WWOX: variants seen among roughly 807,000 people sequenced by gnomAD.
WWOX encodes WW domain-containing oxidoreductase.
A neutral mutation model predicts 46.2 loss-of-function variants in WWOX; 69 were observed. The ratio of observed to expected loss-of-function variants is 1.49; its 90% CI spans 1.23 to 1.82. The LOEUF (loss-of-function observed/expected upper bound fraction) is 1.82, where lower values mean the gene tolerates loss of function less well. Ranked by LOEUF, WWOX falls within the 40% of genes most tolerant of loss-of-function variation. WWOX has a pLI of 0.00. For synonymous variants in WWOX, 359 were observed against 202.6 expected, an observed-to-expected ratio of 1.77 and a Z score of -6.56; for missense variants, 919 against 542.6, an observed-to-expected ratio of 1.69 and a Z score of -6.89.
intron 8 of WWOX, among the ~76,000 whole-genome samples, chr16:78,514,343 G>A (rs2085437232): frequency 6.6e-6 from 1 of 152,172 alleles, no homozygotes; most frequent in African/African-American, 2.4e-5. Context: ...ATGTACAACT[G>A]CTTGAAAACA....
intron 8 of WWOX, among the ~76,000 whole-genome samples, chr16:78,748,110 G>GTCTCTCCCA (rs2049392677): frequency 6.6e-6 from 1 of 151,958 alleles, no homozygotes; most frequent in Non-Finnish European, 1.5e-5. Flanking sequence ...CTCCCAGACC[G>GTCTCTCCCA]GACCCTCCAC....
At chr16:78,840,666 T>G (rs1215088427) in intron 8 of WWOX, among the ~76,000 whole-genome samples, 1 of 152,082 alleles carries the variant, frequency 6.6e-6, no homozygotes, top group East Asian at 1.9e-4. Context: ...TGGATTCTGA[T>G]TCAGTAGGTC....
At chr16:78,979,489 C>T (rs926746278) in intron 8 of WWOX, among the ~76,000 whole-genome samples, 2 of 152,164 alleles carry the variant, frequency 1.3e-5, no homozygotes, top group African/African-American at 2.4e-5. Context: ...CATGATTTTG[C>T]TCAGGACTGA....
intron 8 of WWOX, chr16:78,892,161 G>A (rs770670936): frequency 4.6e-5 from 7 of 152,056 alleles, no homozygotes; most frequent in Admixed American, 4.6e-4. Flanking sequence ...CTGGCAGTGA[G>A]ACCAGCGGAA....
At chr16:79,196,952 C>G (rs78596571) in intron 8 of WWOX, among the ~76,000 whole-genome samples, 2,193 of 152,248 alleles carry the variant, frequency 0.014, 44 homozygotes, top group African/African-American at 0.041. Context: ...GTCTCCTCAT[C>G]TCTGAAATGG....
chr16:78,775,348 C>T (rs867708933), intron 8 of WWOX, among the ~76,000 whole-genome samples: 2 of 152,280 alleles, frequency 1.3e-5, no homozygotes, highest in Non-Finnish European at 2.9e-5. Flanking sequence ...CCTCCCCACC[C>T]CCACGAACAT....
intron 8 of WWOX, among the ~76,000 whole-genome samples, chr16:78,495,740 C>T (rs896272956): frequency 6.6e-6 from 1 of 151,710 alleles, no homozygotes; most frequent in African/African-American, 2.4e-5. Flanking sequence ...AACTCCTGAC[C>T]TCAAATGATT....
intron 5 of WWOX, among the ~76,000 whole-genome samples, chr16:78,383,820 C>CT (rs1416972681): frequency 5.3e-5 from 8 of 152,106 alleles, no homozygotes; most frequent in African/African-American, 1.9e-4. Flanking sequence ...AGTGTGTGGA[C>CT]TTGAATCACT....
At chr16:78,157,013 C>G (rs759514619) in intron 4 of WWOX, among the ~76,000 whole-genome samples, 3 of 152,196 alleles carry the variant, frequency 2.0e-5, no homozygotes, top group Admixed American at 6.5e-5. Flanking sequence ...CTGTTAAAAA[C>G]GTAGCTGCTA....
intron 8 of WWOX, among the ~76,000 whole-genome samples, chr16:78,761,219 C>G (rs912230917): frequency 3.3e-5 from 5 of 152,114 alleles, no homozygotes; most frequent in Admixed American, 1.3e-4. Context: ...ATGGCCTCAT[C>G]TTTTCTGGAC....
intron 8 of WWOX, among the ~76,000 whole-genome samples, chr16:78,630,229 T>A (rs1346854673): frequency 6.6e-6 from 1 of 152,182 alleles, no homozygotes; most frequent in Non-Finnish European, 1.5e-5. Flanking sequence ...GGCACTGGGG[T>A]CCTATTTTGC....
intron 4 of WWOX, among the ~76,000 whole-genome samples, chr16:78,159,811 C>G (rs755645636): frequency 3.4e-5 from 5 of 145,636 alleles, no homozygotes; most frequent in Non-Finnish European, 6.0e-5. Context: ...TGATTGTTTT[C>G]TTTAACGTGC....
chr16:78,223,068 T>A (rs74027946), intron 5 of WWOX, among the ~76,000 whole-genome samples: 2,278 of 152,222 alleles, frequency 0.015, 71 homozygotes, highest in African/African-American at 0.052. Flanking sequence ...GCCCAAGAAG[T>A]GTCCTTGCGG....
intron 6 of WWOX, among the ~76,000 whole-genome samples, chr16:78,414,896 AAG>A (rs1199633441): frequency 6.6e-6 from 1 of 152,142 alleles, no homozygotes; most frequent in African/African-American, 2.4e-5. Context: ...TCTAGACCCC[AAG>A]AGAGAGTTGT....
chr16:79,031,764 A>G (rs2047759735), intron 8 of WWOX, among the ~76,000 whole-genome samples: 1 of 144,646 alleles, frequency 6.9e-6, no homozygotes, highest in Non-Finnish European at 1.5e-5. Flanking sequence ...CTATATATAT[A>G]TATAATATAT....
intron 8 of WWOX, among the ~76,000 whole-genome samples, chr16:78,515,000 A>G (rs1192938598): frequency 6.6e-6 from 1 of 152,134 alleles, no homozygotes; most frequent in African/African-American, 2.4e-5. Context: ...CAGGTGGATC[A>G]CCTGAAGTCA....
rs200594331 is a variant in WWOX, at chr16:78,123,435, G to GTTTTTTTTTTTTTTTTTTTTT, written c.409+8285_409+8286insTTTTTTTTTTTTTTTTTTTTT. ...CCCTATGTTTTTTTCTTTGTTTTTT[G>GTTTTTTTTTTTTTTTTTTTTT]TTTTGTTTTTTTTTTTTTTGTTTTT... On this transcript the variant is annotated intron_variant, in intron 4 of 8. Transcript: ENST00000566780. 22 of 48,706 alleles carry GTTTTTTTTTTTTTTTTTTTTT rather than the reference G, an allele frequency of 4.5e-4. 1 individual carries two copies. The highest frequency in any genetic ancestry group is 5.1e-4 in the Admixed American group (2 of 3,914). The allele number at this position is 48,706 out of a possible 1,614,324, so 3.0% of individuals were successfully genotyped here.
intron 5 of WWOX, among the ~76,000 whole-genome samples, chr16:78,254,660 C>T (rs1406615147): frequency 6.6e-6 from 1 of 151,860 alleles, no homozygotes; most frequent in African/African-American, 2.4e-5. Flanking sequence ...CTCCTGAGCA[C>T]CCGGGTGCAT....
intron 8 of WWOX, among the ~76,000 whole-genome samples, chr16:79,089,157 T>C (rs1480940947): frequency 6.6e-6 from 1 of 152,216 alleles, no homozygotes; most frequent in Non-Finnish European, 1.5e-5. Flanking sequence ...AGGGCCTAGC[T>C]CTGCCGTTTT....
Sources: gnomAD v4.1 joint callset for allele counts (sites outside exome capture counted in the v4.1 genomes callset) on GRCh38, gnomAD v4.1.1 for gene constraint, MANE v1.5 for transcripts, NCBI Gene and HGNC (gene_info 2026-07-23, HGNC 2026-07-21) for gene names.